Variants in FAM171A1 observed in about 807,000 individuals in gnomAD.
FAM171A1 encodes family with sequence similarity 171 member A1, also known as protein FAM171A1.
FAM171A1 carries 23 observed loss-of-function variants against 74.9 expected under a neutral mutation model. That is an observed-to-expected ratio of 0.31 (90% confidence interval 0.22 to 0.44). The LOEUF (loss-of-function observed/expected upper bound fraction) is 0.44, where lower values mean the gene tolerates loss of function less well. FAM171A1 is among the 20% of genes least tolerant of loss of function. FAM171A1 has a pLI of 1.00. For synonymous variants in FAM171A1, 527 were observed against 505.7 expected, an observed-to-expected ratio of 1.04 and a Z score of -0.57; for missense variants, 1,162 against 1,159.2, an observed-to-expected ratio of 1.00 and a Z score of -0.03.
intron 1 of FAM171A1, among the ~76,000 whole-genome samples, chr10:15,311,554 T>C (rs1046016141): frequency 6.6e-6 from 1 of 152,190 alleles, no homozygotes; most frequent in African/African-American, 2.4e-5. Context: ...TAGCTTCATC[T>C]CCATATATCC....
chr10:15,328,906 C>T (rs1406253883), intron 1 of FAM171A1, among the ~76,000 whole-genome samples: 1 of 152,050 alleles, frequency 6.6e-6, no homozygotes, highest in East Asian at 1.9e-4. Flanking sequence ...CTTCTTTTGA[C>T]AGATATGTCA....
chr10:15,338,905 T>G (rs2131867752), intron 1 of FAM171A1, among the ~76,000 whole-genome samples: 1 of 152,304 alleles, frequency 6.6e-6, no homozygotes, highest in East Asian at 1.9e-4. Context: ...CACGCCTAGC[T>G]AATTTTTTGT....
intron 3 of FAM171A1, among the ~76,000 whole-genome samples, chr10:15,262,148 G>A (rs1834665856): frequency 6.6e-6 from 1 of 152,156 alleles, no homozygotes; most frequent in East Asian, 1.9e-4. Context: ...GGATTTGTGT[G>A]GGCCTGCAGG....
chr10:15,223,581 C>T (rs1335208606), intron 5 of FAM171A1, among the ~76,000 whole-genome samples: 2 of 152,200 alleles, frequency 1.3e-5, no homozygotes, highest in African/African-American at 4.8e-5. Context: ...CACACGATAA[C>T]CAATTGAAAC....
chr10:15,296,581 C>T (rs1021183937), intron 1 of FAM171A1, among the ~76,000 whole-genome samples: 1 of 152,208 alleles, frequency 6.6e-6, no homozygotes, highest in African/African-American at 2.4e-5. Flanking sequence ...TGCAGGCATA[C>T]TTCAGAGAGA....
chr10:15,219,337 G>A (rs538570198), intron 6 of FAM171A1, among the ~76,000 whole-genome samples: 1 of 152,178 alleles, frequency 6.6e-6, no homozygotes, highest in Non-Finnish European at 1.5e-5. Flanking sequence ...CACACAAAAA[G>A]CATGTACTGA....
At chr10:15,315,060 C>G (rs185118271) in intron 1 of FAM171A1, among the ~76,000 whole-genome samples, 1 of 152,312 alleles carries the variant, frequency 6.6e-6, no homozygotes, top group East Asian at 1.9e-4. Context: ...TAAAACCAAC[C>G]TGGTTGAGGT....
intron 1 of FAM171A1, among the ~76,000 whole-genome samples, chr10:15,320,151 G>A (rs1013793779): frequency 1.6e-4 from 24 of 151,940 alleles, no homozygotes; most frequent in Admixed American, 2.0e-4. Flanking sequence ...AGTAGGCCCC[G>A]GTGTCTCTTC....
intron 1 of FAM171A1, among the ~76,000 whole-genome samples, chr10:15,362,777 TTA>T (rs1836010501): frequency 6.6e-6 from 1 of 152,194 alleles, no homozygotes; most frequent in Non-Finnish European, 1.5e-5. Context: ...GAACTTGTTT[TTA>T]GTCATACGAG....
At chr10:15,239,324 G>C (rs1834334448) in intron 5 of FAM171A1, among the ~76,000 whole-genome samples, 1 of 148,444 alleles carries the variant, frequency 6.7e-6, no homozygotes, top group Non-Finnish European at 1.5e-5. Context: ...ATTTTTTTTT[G>C]AGACAGTCTC....
At chr10:15,222,145 T>C (rs751052178) in intron 5 of FAM171A1, among the ~76,000 whole-genome samples, 5 of 152,162 alleles carry the variant, frequency 3.3e-5, no homozygotes, top group Non-Finnish European at 5.9e-5. Flanking sequence ...TGTCCCGGCA[T>C]ACACAGGCCT....
At chr10:15,249,498 C>G (rs1235013277) in intron 4 of FAM171A1, among the ~76,000 whole-genome samples, 1 of 152,178 alleles carries the variant, frequency 6.6e-6, no homozygotes. Context: ...GTGGAAATCA[C>G]CGGAAATAAC....
intron 1 of FAM171A1, among the ~76,000 whole-genome samples, chr10:15,286,577 T>G (rs1835037844): frequency 6.6e-6 from 1 of 152,144 alleles, no homozygotes; most frequent in Admixed American, 6.5e-5. Context: ...CCACCGCGCC[T>G]GGCCTGAGTA....
intron 4 of FAM171A1, among the ~76,000 whole-genome samples, chr10:15,254,203 C>T (rs781313255): frequency 1.3e-5 from 2 of 151,946 alleles, no homozygotes; most frequent in Admixed American, 6.6e-5. Context: ...GTCCCCATGC[C>T]GGTGGGGCAT....
intron 5 of FAM171A1, among the ~76,000 whole-genome samples, chr10:15,233,903 CA>C (rs915508767): frequency 2.0e-3 from 253 of 128,708 alleles, no homozygotes; most frequent in Admixed American, 2.1e-3. Context: ...TCCGTCTCAC[CA>C]AAAAAAAAAA....
chr10:15,257,585 T>TGGGGCTG (rs1359992281), intron 3 of FAM171A1, among the ~76,000 whole-genome samples: 2 of 152,022 alleles, frequency 1.3e-5, no homozygotes, highest in East Asian at 3.9e-4. Flanking sequence ...GTCTATCTGC[T>TGGGGCTG]GGGGCTGGGG....
chr10:15,302,413 C>T (rs12777770), intron 1 of FAM171A1, among the ~76,000 whole-genome samples: 149 of 150,780 alleles, frequency 9.9e-4, no homozygotes, highest in Non-Finnish European at 1.7e-3. Context: ...CGCAGTGCGC[C>T]GAAATTGCGC....
chr10:15,363,249 G>A (rs905027870), intron 1 of FAM171A1, among the ~76,000 whole-genome samples: 1 of 152,216 alleles, frequency 6.6e-6, no homozygotes, highest in South Asian at 2.1e-4. Context: ...TCGGGCAAAA[G>A]GGACATACTT....
chr10:15,353,899 C>T (rs1835905089), intron 1 of FAM171A1, among the ~76,000 whole-genome samples: 1 of 152,190 alleles, frequency 6.6e-6, no homozygotes, highest in Non-Finnish European at 1.5e-5. Flanking sequence ...TGCCCTAATC[C>T]CAAACATGGA....
Sources: allele counts gnomAD v4.1 joint callset (sites outside exome capture counted in the v4.1 genomes callset), GRCh38; gene constraint gnomAD v4.1.1; transcripts MANE v1.5; gene names NCBI Gene and HGNC (gene_info 2026-07-23, HGNC 2026-07-21).